The following NR6A1 variants were observed in gnomAD, a reference collection of about 807,000 sequenced individuals.
The protein encoded by NR6A1 is nuclear receptor subfamily 6 group A member 1.
Under a neutral mutation model 59.1 loss-of-function variants are expected in NR6A1, and 7 were observed. The observed-to-expected ratio is 0.12, with a 90% confidence interval of 0.07 to 0.22. The LOEUF (loss-of-function observed/expected upper bound fraction) is 0.22. NR6A1 is among the 10% of genes least tolerant of loss of function. NR6A1 has a pLI of 1.00. For missense variants in NR6A1, 468 were observed against 611.6 expected, an observed-to-expected ratio of 0.77 and a Z score of 2.48; for synonymous variants, 243 against 236.1, an observed-to-expected ratio of 1.03 and a Z score of -0.27.
rs988615040 is a variant in NR6A1 at position 124,522,664 on chromosome 9, C to G, written c.*41G>C. The stretch of plus-strand genomic sequence containing the variant: ...CCCTCCAGAGCCTGTCCTGCCCACC[C>G]AAGACGCTGTGGTTGGCCTGAGGAG... On this transcript the variant is annotated 3_prime_UTR_variant, in exon 10 of 10. Transcript: ENST00000487099. The G allele has an allele frequency of 3.3e-6, 5 of 1,516,842 alleles. No individual in the cohort carries two copies. Among genetic ancestry groups the G allele is most frequent in the East Asian group, 4.9e-5 (2 of 40,628 alleles). 94.0% of individuals were successfully genotyped at this position (1,516,842 alleles called of 1,614,324 possible).
At chr9:124,644,916 C>T (rs925480140) in intron 2 of NR6A1, among the ~76,000 whole-genome samples, 3 of 152,298 alleles carry the variant, frequency 2.0e-5, no homozygotes, top group East Asian at 1.9e-4. Context: ...TTCATGAAAC[C>T]GATGTTCTCC....
chr9:124,718,717 T>C (rs1441143717), intron 2 of NR6A1, among the ~76,000 whole-genome samples: 2 of 151,944 alleles, frequency 1.3e-5, no homozygotes, highest in Non-Finnish European at 2.9e-5. Context: ...GACTAAAAAT[T>C]TGCCTTCTCC....
intron 2 of NR6A1, among the ~76,000 whole-genome samples, chr9:124,700,718 A>G (rs1343851754): frequency 6.9e-6 from 1 of 144,880 alleles, no homozygotes; most frequent in Non-Finnish European, 1.5e-5. Flanking sequence ...ATTAATGAAC[A>G]TTTATAATAA....
intron 2 of NR6A1, among the ~76,000 whole-genome samples, chr9:124,560,395 T>A (rs1312747966): frequency 6.6e-6 from 1 of 152,190 alleles, no homozygotes. Flanking sequence ...AGTATATTAT[T>A]TCTTCCATCT....
At chr9:124,664,911 A>G (rs1354177588) in intron 2 of NR6A1, among the ~76,000 whole-genome samples, 3 of 148,830 alleles carry the variant, frequency 2.0e-5, no homozygotes, top group African/African-American at 7.5e-5. Flanking sequence ...GGTAGCTCAC[A>G]CCTGTAATCC....
At chr9:124,635,565 T>G (rs1462493479) in intron 2 of NR6A1, among the ~76,000 whole-genome samples, 1 of 152,246 alleles carries the variant, frequency 6.6e-6, no homozygotes, top group Non-Finnish European at 1.5e-5. Flanking sequence ...CTTTTCTTTA[T>G]AAATTACCCA....
chr9:124,564,291 T>G (rs992061408), intron 2 of NR6A1, among the ~76,000 whole-genome samples: 1 of 152,184 alleles, frequency 6.6e-6, no homozygotes, highest in Non-Finnish European at 1.5e-5. Flanking sequence ...AAAAGTGCTT[T>G]TCTTTTGAGA....
At chr9:124,695,809 A>C (rs1838737311) in intron 2 of NR6A1, among the ~76,000 whole-genome samples, 1 of 152,238 alleles carries the variant, frequency 6.6e-6, no homozygotes, top group African/African-American at 2.4e-5. Flanking sequence ...TGAAAACATT[A>C]GAAAAGAATG....
chr9:124,539,175 G>A (rs1459355186), intron 5 of NR6A1, among the ~76,000 whole-genome samples: 2 of 151,954 alleles, frequency 1.3e-5, no homozygotes, highest in African/African-American at 4.8e-5. Flanking sequence ...AAAGTGCTGG[G>A]AATACAGATG....
At chr9:124,684,409 C>T (rs1295351426) in intron 2 of NR6A1, among the ~76,000 whole-genome samples, 1 of 152,184 alleles carries the variant, frequency 6.6e-6, no homozygotes, top group Non-Finnish European at 1.5e-5. Flanking sequence ...CATGTGTCAG[C>T]CCTTGATTCC....
intron 1 of NR6A1, among the ~76,000 whole-genome samples, chr9:124,755,027 C>T (rs1388642965): frequency 1.3e-5 from 2 of 152,154 alleles, no homozygotes; most frequent in South Asian, 2.1e-4. Flanking sequence ...AAAGCTCAGG[C>T]TCTAATGCAC....
chr9:124,597,178 G>A (rs1835295449), intron 2 of NR6A1, among the ~76,000 whole-genome samples: 1 of 152,128 alleles, frequency 6.6e-6, no homozygotes, highest in Non-Finnish European at 1.5e-5. Flanking sequence ...AGTGACCAAT[G>A]ATTTAGACGA....
chr9:124,746,369 A>G (rs1352930867), intron 1 of NR6A1, among the ~76,000 whole-genome samples: 1 of 152,224 alleles, frequency 6.6e-6, no homozygotes, highest in Non-Finnish European at 1.5e-5. Flanking sequence ...TAGGTGGATC[A>G]CCTGAGGTCA....
chr9:124,536,272 T>C lies in NR6A1; in HGVS notation c.825-140A>G, dbSNP rs541773776. 107 of 945,248 alleles carry C rather than the reference T, an allele frequency of 1.1e-4. 1 individual carries two copies. The African/African-American group carries it at 1.6e-3, about 14-fold the overall frequency. 58.6% of individuals were successfully genotyped at this position (945,248 alleles called of 1,614,324 possible). A position where few individuals can be genotyped will look rare whatever the true frequency, so the allele number is the denominator to read the frequency against. On this transcript the variant is annotated intron_variant, in intron 6 of 9. Transcript: ENST00000487099. ...CCATGCCCACGGGTCTCCAGTTCCATTCAGTGTGATTTTCTGATAAAGGGG... is the reference window on the plus strand; with the variant it reads ...CCATGCCCACGGGTCTCCAGTTCCACTCAGTGTGATTTTCTGATAAAGGGG...
intron 2 of NR6A1, among the ~76,000 whole-genome samples, chr9:124,643,532 G>C (rs188098477): frequency 3.3e-5 from 5 of 151,118 alleles, no homozygotes; most frequent in Admixed American, 2.0e-4. Context: ...CCCAAGAGAC[G>C]AAGGGAGCAG....
intron 2 of NR6A1, among the ~76,000 whole-genome samples, chr9:124,676,707 T>C (rs1200321556): frequency 2.0e-5 from 3 of 152,224 alleles, no homozygotes; most frequent in Non-Finnish European, 2.9e-5. Context: ...TGATGATTAC[T>C]TTCTTGTTTA....
intron 2 of NR6A1, among the ~76,000 whole-genome samples, chr9:124,648,295 C>T (rs549278011): frequency 2.0e-4 from 31 of 151,898 alleles, no homozygotes; most frequent in African/African-American, 5.1e-4. Context: ...TCCAGGAGTT[C>T]GAGACCAGCC....
chr9:124,618,779 G>A (rs1835974681), intron 2 of NR6A1, among the ~76,000 whole-genome samples: 1 of 152,030 alleles, frequency 6.6e-6, no homozygotes, highest in Admixed American at 6.6e-5. Context: ...CTTCTCCCTG[G>A]AACATTTATA....
At chr9:124,632,679 T>A (rs1016174101) in intron 2 of NR6A1, among the ~76,000 whole-genome samples, 1 of 152,248 alleles carries the variant, frequency 6.6e-6, no homozygotes, top group African/African-American at 2.4e-5. Flanking sequence ...AAAAGGCTTA[T>A]AACAAAAGTA....
Sources: allele counts gnomAD v4.1 joint callset (sites outside exome capture counted in the v4.1 genomes callset), GRCh38; gene constraint gnomAD v4.1.1; transcripts MANE v1.5; gene names NCBI Gene and HGNC (gene_info 2026-07-23, HGNC 2026-07-21).